KCTD1: variants seen among roughly 807,000 people sequenced by gnomAD.
KCTD1 encodes BTB/POZ domain-containing protein KCTD1.
KCTD1 carries 24 observed loss-of-function variants against 66.0 expected under a neutral mutation model. The observed-to-expected ratio is 0.36, with a 90% confidence interval of 0.26 to 0.51. KCTD1 has a LOEUF of 0.51. KCTD1 is among the 20% of genes least tolerant of loss of function. KCTD1 has a pLI of 0.95. For synonymous variants in KCTD1, 511 were observed against 517.2 expected (o/e 0.99, Z 0.16); for missense variants, 943 against 1,205.2 (o/e 0.78, Z 3.22).
intron 1 of KCTD1, among the ~76,000 whole-genome samples, chr18:26,535,106 T>TTGGGG (rs1984628754): frequency 2.5e-5 from 1 of 40,238 alleles, no homozygotes; most frequent in African/African-American, 7.8e-5. Flanking sequence ...AGGCCTGGGG[T>TTGGGG]TGGGGGGTGG....
intron 1 of KCTD1, among the ~76,000 whole-genome samples, chr18:26,558,676 C>T (rs1366770979): frequency 2.0e-5 from 3 of 152,162 alleles, no homozygotes; most frequent in Non-Finnish European, 4.4e-5. Flanking sequence ...GTAATCCCAG[C>T]ACTTTGGGAG....
intron 4 of KCTD1, chr18:26,457,701 C>T (rs1485748230): frequency 6.6e-6 from 1 of 152,218 alleles, no homozygotes; most frequent in Non-Finnish European, 1.5e-5. Flanking sequence ...AACACGTTCA[C>T]AGCAAAGTTC....
intron 1 of KCTD1, among the ~76,000 whole-genome samples, chr18:26,620,833 C>CT (rs67862567): frequency 0.38 from 45,209 of 118,030 alleles, 9,185 homozygotes; most frequent in African/African-American, 0.51. Context: ...ACTTGAAAAG[C>CT]TTTTTTTTTT....
rs370102664 is a variant in KCTD1, at chr18:26,622,908, T to C, written c.-16+6239A>G. On this transcript the variant is annotated intron_variant, in intron 1 of 4. Transcript: ENST00000317932. Reference sequence around the variant, plus strand: ...GACACAGTTGAAGAGGCATACAGCATTCTTCAGGCCAACCAGGGAATGATT... The same window carrying C: ...GACACAGTTGAAGAGGCATACAGCACTCTTCAGGCCAACCAGGGAATGATT... Among the ~76,000 whole-genome samples the C allele has an allele frequency of 1.5e-4, 23 of 152,304 alleles. No homozygotes were observed. In the East Asian group the frequency reaches 3.3e-3, roughly 22 times the overall value.
chr18:26,555,677 TA>T (rs1232521599), intron 1 of KCTD1, among the ~76,000 whole-genome samples: 1 of 152,232 alleles, frequency 6.6e-6, no homozygotes, highest in Non-Finnish European at 1.5e-5. Context: ...TATACTGTCT[TA>T]GAGACCTCTC....
chr18:26,492,363 G>A (rs370035544), intron 2 of KCTD1, among the ~76,000 whole-genome samples: 8 of 152,100 alleles, frequency 5.3e-5, no homozygotes, highest in South Asian at 2.1e-4. Context: ...GCTGGGAGCC[G>A]TGGCTCATGC....
rs1297860256 is a variant in KCTD1, at chr18:26,620,317, G to A, written c.-16+8830C>T. Reference sequence around the variant, plus strand: ...CTGTCCTTATGAAATTCAAATTCACGTGTGAGTTTGCATTTGCTGAAGGTA... The same window carrying A: ...CTGTCCTTATGAAATTCAAATTCACATGTGAGTTTGCATTTGCTGAAGGTA... On this transcript the variant is annotated intron_variant, in intron 1 of 4. Transcript: ENST00000317932. 5.0e-5 allele frequency among the ~76,000 whole-genome samples: 6 copies of A among 118,940 alleles called. No individual in the cohort carries two copies. The South Asian group carries it at 8.3e-4, about 17-fold the overall frequency. 78.0% of individuals were successfully genotyped at this position (118,940 alleles called of 152,430 possible).
chr18:26,607,165 G>C (rs903815728), intron 1 of KCTD1, among the ~76,000 whole-genome samples: 3 of 152,132 alleles, frequency 2.0e-5, no homozygotes, highest in African/African-American at 7.2e-5. Context: ...CTCCTCAGTA[G>C]CTGAGACGAT....
At chr18:26,505,228 T>A (rs1158908012) in intron 1 of KCTD1, among the ~76,000 whole-genome samples, 1 of 152,280 alleles carries the variant, frequency 6.6e-6, no homozygotes, top group Non-Finnish European at 1.5e-5. Flanking sequence ...GAGCCTTCTG[T>A]CGTTCATCAT....
chr18:26,570,979 T>C (rs1449687959), intron 1 of KCTD1, among the ~76,000 whole-genome samples: 1 of 152,218 alleles, frequency 6.6e-6, no homozygotes, highest in African/African-American at 2.4e-5. Context: ...TCTAAGAATA[T>C]TTTTGGCCAG....
chr18:26,594,615 G>C (rs1395010036), intron 1 of KCTD1, among the ~76,000 whole-genome samples: 1 of 152,156 alleles, frequency 6.6e-6, no homozygotes, highest in Non-Finnish European at 1.5e-5. Context: ...CCTGTTACTG[G>C]ATCTGCAGGC....
intron 3 of KCTD1, among the ~76,000 whole-genome samples, chr18:26,472,586 G>T (rs1003801801): frequency 6.6e-6 from 1 of 152,108 alleles, no homozygotes; most frequent in Non-Finnish European, 1.5e-5. Context: ...GTAAGAAATT[G>T]TTCCCCCACC....
At chr18:26,610,091 T>C (rs959054686) in intron 1 of KCTD1, among the ~76,000 whole-genome samples, 9 of 152,212 alleles carry the variant, frequency 5.9e-5, no homozygotes, top group Non-Finnish European at 1.2e-4. Context: ...TGAGAATAAA[T>C]CTAAGATGTG....
upstream of KCTD1, among the ~76,000 whole-genome samples, chr18:26,553,026 T>C (rs1985615414): frequency 6.6e-6 from 1 of 151,450 alleles, no homozygotes; most frequent in Non-Finnish European, 1.5e-5. Context: ...GGTCTTACTC[T>C]TTCACCCAGG....
rs576114261 is a variant in KCTD1, at chr18:26,533,889, G to A, written c.1809+12839C>T. On this transcript the variant is annotated intron_variant, in intron 1 of 4. Transcript: ENST00000580059. ...TGCGATTTATCATCTGGTTGTATGT[G>A]TTAGATTTTAATAATAAAAGTATAA... Among the ~76,000 whole-genome samples, 16 of 149,246 alleles carry A rather than the reference G, an allele frequency of 1.1e-4. 1 individual carries two copies. The South Asian group carries it at 3.0e-3, about 28-fold the overall frequency.
upstream of KCTD1, among the ~76,000 whole-genome samples, chr18:26,641,611 C>G (rs1987835088): frequency 6.6e-6 from 1 of 152,086 alleles, no homozygotes; most frequent in Non-Finnish European, 1.5e-5. Flanking sequence ...CAACCCCCAT[C>G]CTAGAACCCC....
At chr18:26,462,653 GTGTC>G (rs565603466) in intron 3 of KCTD1, among the ~76,000 whole-genome samples, 175 of 152,288 alleles carry the variant, frequency 1.1e-3, no homozygotes, top group African/African-American at 4.0e-3. Context: ...AGGCTCCTTT[GTGTC>G]TGTCTTTCTA....
intron 1 of KCTD1, among the ~76,000 whole-genome samples, chr18:26,576,918 C>A (rs538746868): frequency 1.1e-4 from 17 of 152,216 alleles, no homozygotes; most frequent in African/African-American, 3.9e-4. Flanking sequence ...TGTCCATTAC[C>A]ACTGTTTATT....
chr18:26,633,668 C>T (rs1196592034), upstream of KCTD1, among the ~76,000 whole-genome samples: 1 of 151,936 alleles, frequency 6.6e-6, no homozygotes, highest in Non-Finnish European at 1.5e-5. Flanking sequence ...TATAATTTGT[C>T]AACTCAATAG....
Sources: allele counts gnomAD v4.1 joint callset (sites outside exome capture counted in the v4.1 genomes callset), GRCh38; gene constraint gnomAD v4.1.1; transcripts MANE v1.5; gene names NCBI Gene and HGNC (gene_info 2026-07-23, HGNC 2026-07-21).